The following DIP2C variants were observed in gnomAD, a reference collection of about 807,000 sequenced individuals.
DIP2C encodes DIP2 acetate--CoA ligase C (putative).
A neutral mutation model predicts 192.4 loss-of-function variants in DIP2C; 33 were observed. That is an observed-to-expected ratio of 0.17 (90% CI 0.13 to 0.23). DIP2C has a LOEUF of 0.23. DIP2C is among the 10% of genes least tolerant of loss of function. The probability of loss-of-function intolerance (pLI) is 1.00; values close to 1 mark genes in which losing one functional copy is unlikely to be tolerated. For synonymous variants in DIP2C, 979 were observed against 864.1 expected, an observed-to-expected ratio of 1.13 and a Z score of -2.33; for missense variants, 1,537 against 2,110.1, an observed-to-expected ratio of 0.73 and a Z score of 5.32.
At chr10:545,062 C>T in intron 1 of DIP2C, among the ~76,000 whole-genome samples, 1 of 151,800 alleles carries the variant, frequency 6.6e-6, no homozygotes, top group Admixed American at 6.6e-5. Flanking sequence ...ATGTTAAAGC[C>T]ACAACCCCTA....
chr10:487,370 C>T (rs960040726), intron 1 of DIP2C, among the ~76,000 whole-genome samples: 1 of 152,110 alleles, frequency 6.6e-6, no homozygotes, highest in East Asian at 1.9e-4. Flanking sequence ...TATCAAGGTA[C>T]ACACACAAGC....
chr10:344,643 TG>T, intron 28 of DIP2C, among the ~76,000 whole-genome samples, 165 bp downstream of exon 28: 1 of 152,192 alleles, frequency 6.6e-6, no homozygotes, highest in Non-Finnish European at 1.5e-5. Context: ...TGGTTAAGGA[TG>T]GAAATGGTCA....
At chr10:622,100 G>C (rs886529862) in intron 1 of DIP2C, among the ~76,000 whole-genome samples, 1 of 151,128 alleles carries the variant, frequency 6.6e-6, no homozygotes, top group Non-Finnish European at 1.5e-5. Context: ...ACACATTAAG[G>C]AAAGACATGA....
intron 1 of DIP2C, among the ~76,000 whole-genome samples, chr10:677,982 T>C (rs1033891755): frequency 1.3e-5 from 2 of 152,224 alleles, no homozygotes; most frequent in East Asian, 3.8e-4. Flanking sequence ...AGAATGCCCA[T>C]GTCATGAGCC....
intron 7 of DIP2C, among the ~76,000 whole-genome samples, chr10:415,532 A>T (rs1471039118): frequency 6.6e-6 from 1 of 152,112 alleles, no homozygotes; most frequent in Admixed American, 6.5e-5. Context: ...GAGAGACCTG[A>T]CCTGGGTCAC....
intron 7 of DIP2C, among the ~76,000 whole-genome samples, chr10:414,824 C>T (rs1965498415): frequency 7.9e-6 from 1 of 126,744 alleles, no homozygotes; most frequent in African/African-American, 3.1e-5. Flanking sequence ...CAGGTTTGGG[C>T]AATATATATA....
At chr10:500,001 G>A (rs1845114352) in intron 1 of DIP2C, among the ~76,000 whole-genome samples, 1 of 152,222 alleles carries the variant, frequency 6.6e-6, no homozygotes, top group South Asian at 2.1e-4. Flanking sequence ...CCCAGCTCTT[G>A]CTCGGGTGGA....
Position 396,792 on chromosome 10 carries a change from T to C in DIP2C, c.1260+2317A>G, listed in dbSNP as rs575674496. Among the ~76,000 whole-genome samples, 277 of 138,488 alleles carry C rather than the reference T, an allele frequency of 2.0e-3. 1 individual carries two copies. Among genetic ancestry groups the C allele is most frequent in the African/African-American group, 6.8e-3 (243 of 35,482 alleles). 90.9% of individuals were successfully genotyped at this position (138,488 alleles called of 152,430 possible). A position where few individuals can be genotyped will look rare whatever the true frequency, so the allele number is the denominator to read the frequency against. The stretch of plus-strand genomic sequence containing the variant: ...CACCTCACGGGAAGTCTGAGCTGTC[T>C]GATGCACACGTGGAGTGCTGGCTGC... On this transcript the variant is annotated intron_variant, in intron 10 of 36. Transcript: ENST00000280886.
chr10:299,403 C>T (rs1955914093), intron 32 of DIP2C, among the ~76,000 whole-genome samples: 1 of 152,200 alleles, frequency 6.6e-6, no homozygotes, highest in Non-Finnish European at 1.5e-5. Context: ...CTTTGGCTTG[C>T]CTTAATTGGG....
intron 1 of DIP2C, among the ~76,000 whole-genome samples, chr10:687,322 C>T (rs1031857406): frequency 8.5e-5 from 13 of 152,188 alleles, no homozygotes; most frequent in African/African-American, 3.1e-4. Flanking sequence ...AATGACCTTA[C>T]AGCACTACCC....
intron 1 of DIP2C, among the ~76,000 whole-genome samples, chr10:534,762 C>T (rs984416744): frequency 2.6e-5 from 4 of 151,564 alleles, no homozygotes; most frequent in Non-Finnish European, 2.9e-5. Context: ...CTGCAAGCTC[C>T]GCTTCCCGGG....
chr10:311,677 G>A, intron 31 of DIP2C: 1 of 872,248 alleles, frequency 1.1e-6, no homozygotes, highest in Non-Finnish European at 1.5e-6. Flanking sequence ...AAAATGGGAT[G>A]GAGAAGAGGG....
At chr10:445,792 G>A (rs1968137625) in intron 3 of DIP2C, among the ~76,000 whole-genome samples, 1 of 151,852 alleles carries the variant, frequency 6.6e-6, no homozygotes, top group African/African-American at 2.4e-5. Flanking sequence ...TACATCTGTT[G>A]TGAAGAGTCT....
intron 1 of DIP2C, among the ~76,000 whole-genome samples, chr10:571,214 T>C (rs1849775541): frequency 6.6e-6 from 1 of 152,224 alleles, no homozygotes; most frequent in Non-Finnish European, 1.5e-5. Context: ...AGCACTTCTC[T>C]CTCCAACCTG....
chr10:477,970 G>A (rs1307115015), intron 2 of DIP2C, among the ~76,000 whole-genome samples: 1 of 84,612 alleles, frequency 1.2e-5, no homozygotes, highest in Non-Finnish European at 2.3e-5. Context: ...AGAGAAGGAA[G>A]GGAACAGAAA....
intron 4 of DIP2C, among the ~76,000 whole-genome samples, chr10:429,106 T>C (rs1339053633): frequency 1.3e-5 from 2 of 152,146 alleles, no homozygotes; most frequent in Non-Finnish European, 1.5e-5. Flanking sequence ...GTACAATATA[T>C]GGGTCTGGAC....
At chr10:606,353 G>A (rs1418835616) in intron 1 of DIP2C, among the ~76,000 whole-genome samples, 2 of 152,136 alleles carry the variant, frequency 1.3e-5, no homozygotes, top group East Asian at 1.9e-4. Flanking sequence ...ATTACCTGCT[G>A]TGATCTGAAT....
intron 1 of DIP2C, among the ~76,000 whole-genome samples, chr10:687,420 C>T (rs532765760): frequency 3.3e-5 from 5 of 152,328 alleles, no homozygotes; most frequent in African/African-American, 1.2e-4. Context: ...CCAGCACAGG[C>T]CGGAGGGTGC....
intron 32 of DIP2C, among the ~76,000 whole-genome samples, chr10:297,198 A>G (rs1955797837): frequency 6.7e-6 from 1 of 149,810 alleles, no homozygotes; most frequent in Admixed American, 6.7e-5. Context: ...TCTCAAAAAC[A>G]AAACAAAACA....
Sources: allele counts gnomAD v4.1 joint callset (sites outside exome capture counted in the v4.1 genomes callset), GRCh38; gene constraint gnomAD v4.1.1; transcripts MANE v1.5; gene names NCBI Gene and HGNC (gene_info 2026-07-23, HGNC 2026-07-21).